CR1L: variants seen among roughly 807,000 people sequenced by gnomAD.
The protein encoded by CR1L is complement C3b/C4b receptor 1 like, also known as complement component receptor 1-like protein.
In CR1L, 59 loss-of-function variants were observed where a neutral mutation model predicts 62.3. The ratio of observed to expected loss-of-function variants is 0.95; its 90% CI spans 0.77 to 1.18. CR1L has a LOEUF of 1.18. Among genes scored for constraint, CR1L ranks in the 50% most tolerant of loss-of-function variants. CR1L has a pLI of 0.00. For synonymous variants in CR1L, 279 were observed against 248.7 expected (o/e 1.12, Z -1.15); for missense variants, 700 against 702.8 (o/e 1.00, Z 0.04).
intron 7 of CR1L, 82 bp downstream of exon 7, chr1:207,697,955 T>TA (rs1441185588): frequency 3.1e-6 from 5 of 1,590,374 alleles, no homozygotes; most frequent in Non-Finnish European, 4.3e-6. Context: ...TGATGTGGCT[T>TA]AAAAAAAGAC....
intron 1 of CR1L, among the ~76,000 whole-genome samples, chr1:207,646,710 CAAAAAAAAAAAAA>C (rs34443417): frequency 4.6e-5 from 3 of 64,730 alleles, no homozygotes; most frequent in African/African-American, 2.2e-4. Flanking sequence ...GACCCTGTCT[CAAAAAAAAAAAAA>C]AAAAAAAAAA....
chr1:207,647,922 G>A (rs534803950), intron 1 of CR1L, among the ~76,000 whole-genome samples: 157 of 152,268 alleles, frequency 1.0e-3, no homozygotes, highest in African/African-American at 3.6e-3. Context: ...TCTTTTTAAA[G>A]ATTAATGTTT....
At position 207,694,587 on chromosome 1, in the gene CR1L, C is replaced by T; in HGVS notation, c.698C>T (p.Pro233Leu). ...QCIIPNKCTP[P>L]NVENGILVSD... ...ATTATACCTAACAAATGCACGCCTC[C>T]AAATGTGGAAAATGGAATATTGGTA... The change falls in exon 5 of 12, where the codon CCA (proline) becomes CTA (leucine). Residue 233 changes from proline to leucine, a missense_variant. Physicochemically the swap from Pro to Leu is moderately conservative, Grantham distance 98. Transcript: ENST00000508064. The T allele has an allele frequency of 6.2e-7, 1 of 1,612,014 alleles. No individual in the cohort carries two copies. Among genetic ancestry groups the T allele is most frequent in the South Asian group, 1.1e-5 (1 of 90,994 alleles).
At chr1:207,700,112 A>G (rs917339304) in intron 8 of CR1L, among the ~76,000 whole-genome samples, 2 of 152,210 alleles carry the variant, frequency 1.3e-5, no homozygotes, top group South Asian at 2.1e-4. Context: ...TTTCCCCAAT[A>G]GAAGATAGAA....
At chr1:207,702,808 C>T (rs1327540916) in intron 9 of CR1L, among the ~76,000 whole-genome samples, 2 of 152,196 alleles carry the variant, frequency 1.3e-5, no homozygotes, top group African/African-American at 4.8e-5. Context: ...AGCAGCTGGG[C>T]ACTGTGGCTC....
intron 3 of CR1L, 125 bp downstream of exon 3, chr1:207,678,422 C>T: frequency 1.3e-6 from 1 of 783,326 alleles, no homozygotes; most frequent in Non-Finnish European, 2.1e-6. Flanking sequence ...AAGGCTTCAA[C>T]ACAGGTGCTT....
At position 207,694,464 on chromosome 1, in the gene CR1L, G is replaced by A; in HGVS notation, c.575G>A (p.Arg192Lys). 6.2e-7 allele frequency: 1 copy of A among 1,613,916 alleles called. No individual in the cohort carries two copies. Among genetic ancestry groups the A allele is most frequent in the Non-Finnish European group, 8.5e-7 (1 of 1,179,816 alleles). ...ACCTACCACTGCAATCTTGGAAGCA[G>A]AGGGAAAAAGGTGTTTGAGCTTGTG... Reference protein sequence around the residue: ...VVTYHCNLGSRGKKVFELVGE... With the variant: ...VVTYHCNLGSKGKKVFELVGE... Residue 192 changes from arginine (R) to lysine (K), a missense_variant, in exon 5 of 12, where the codon AGA becomes AAA. Arg to Lys is a conservative substitution (Grantham distance 26). Coordinates refer to ENST00000508064, the MANE Select transcript of CR1L (RefSeq NM_175710.2).
At chr1:207,712,654 G>A (rs1664376982) in intron 10 of CR1L, among the ~76,000 whole-genome samples, 1 of 152,202 alleles carries the variant, frequency 6.6e-6, no homozygotes, top group African/African-American at 2.4e-5. Flanking sequence ...CTGCGTCTCT[G>A]CACTGCATGC....
chr1:207,653,034 G>C (rs1318724459), intron 1 of CR1L: 1 of 214,512 alleles, frequency 4.7e-6, no homozygotes, highest in African/African-American at 2.4e-5. Context: ...ATTCCAATCT[G>C]TTTAGAAACT....
At chr1:207,692,875 C>A (rs1443621082) in intron 4 of CR1L, among the ~76,000 whole-genome samples, 3 of 152,112 alleles carry the variant, frequency 2.0e-5, no homozygotes, top group Admixed American at 2.0e-4. Flanking sequence ...TGAAAACATA[C>A]CCGCATATGA....
chr1:207,696,846 C>G (rs1272129849), intron 5 of CR1L, among the ~76,000 whole-genome samples: 2 of 152,130 alleles, frequency 1.3e-5, no homozygotes, highest in African/African-American at 2.4e-5. Flanking sequence ...AATAGACACT[C>G]TCATTATGGT....
rs139226954 is a variant in CR1L at position 207,665,051 on chromosome 1, G to A, written c.98-12338G>A. On this transcript the variant is annotated intron_variant, in intron 1 of 11. Coordinates refer to ENST00000508064, the MANE Select transcript of CR1L (RefSeq NM_175710.2). Reference sequence around the variant, plus strand: ...CATTATAAAATATGAAACGTAGTGAGCATTTTTTTGGTTTTTTTTTGAGAC... The same window carrying A: ...CATTATAAAATATGAAACGTAGTGAACATTTTTTTGGTTTTTTTTTGAGAC... Among the ~76,000 whole-genome samples the A allele has an allele frequency of 1.6e-3, 251 of 152,236 alleles. 2 individuals carry two copies. Among genetic ancestry groups the A allele is most frequent in the African/African-American group, 3.8e-3 (159 of 41,552 alleles).
chr1:207,663,358 C>G (rs561555471), intron 1 of CR1L, among the ~76,000 whole-genome samples: 109 of 152,338 alleles, frequency 7.2e-4, no homozygotes, highest in Middle Eastern at 3.4e-3. Context: ...CGCCCCTCCC[C>G]CAGCCTCACT....
intron 1 of CR1L, among the ~76,000 whole-genome samples, chr1:207,663,600 C>T (rs758675630): frequency 7.2e-5 from 11 of 152,238 alleles, no homozygotes; most frequent in Non-Finnish European, 1.3e-4. Context: ...CCAGGTGAGG[C>T]GATGCCTCGC....
At chr1:207,683,413 A>G (rs1663836438) in intron 3 of CR1L, among the ~76,000 whole-genome samples, 1 of 152,158 alleles carries the variant, frequency 6.6e-6, no homozygotes, top group Admixed American at 6.5e-5. Flanking sequence ...CTGGGATTAC[A>G]GGCGTGAGCC....
intron 4 of CR1L, among the ~76,000 whole-genome samples, chr1:207,684,329 G>A (rs746195308): frequency 7.9e-6 from 1 of 125,834 alleles, no homozygotes; most frequent in African/African-American, 3.0e-5. Context: ...GAAGAACCTG[G>A]ACTCTCATGT....
intron 9 of CR1L, among the ~76,000 whole-genome samples, chr1:207,703,575 C>A (rs561175985): frequency 2.6e-5 from 4 of 152,298 alleles, no homozygotes; most frequent in African/African-American, 9.6e-5. Flanking sequence ...TGGAGATGGA[C>A]AAGGAGATGC....
intron 1 of CR1L, among the ~76,000 whole-genome samples, chr1:207,656,311 G>A (rs867376537): frequency 6.6e-5 from 10 of 152,234 alleles, no homozygotes; most frequent in Middle Eastern, 3.4e-3. Flanking sequence ...ACAATATTTT[G>A]GTGGTATTGT....
chr1:207,705,605 G>C (rs1239884812), intron 9 of CR1L, among the ~76,000 whole-genome samples: 1 of 152,182 alleles, frequency 6.6e-6, no homozygotes, highest in Admixed American at 6.5e-5. Context: ...CCTAGAATCT[G>C]ACAAAATAAA....
Sources: gnomAD v4.1 joint callset for allele counts (sites outside exome capture counted in the v4.1 genomes callset) on GRCh38, gnomAD v4.1.1 for gene constraint, MANE v1.5 for transcripts, NCBI Gene and HGNC (gene_info 2026-07-23, HGNC 2026-07-21) for gene names.